CCDC88B: variants seen among roughly 807,000 people sequenced by gnomAD.
CCDC88B encodes the protein coiled-coil and HOOK domain protein 88B.
In CCDC88B, 138 loss-of-function variants were observed where a neutral mutation model predicts 183.7. The observed-to-expected ratio is 0.75, with a 90% CI of 0.65 to 0.87. CCDC88B has a LOEUF of 0.87. Ranked by LOEUF, CCDC88B falls within the 40% of genes least tolerant of loss-of-function variation. CCDC88B has a pLI of 0.00. For synonymous variants in CCDC88B, 835 were observed against 867.5 expected, an observed-to-expected ratio of 0.96 and a Z score of 0.66; for missense variants, 1,822 against 1,965.6, an observed-to-expected ratio of 0.93 and a Z score of 1.38.
At position 64,351,145 on chromosome 11, in the gene CCDC88B, G is replaced by A. The variant is rs531261884; in HGVS notation, c.2863-15G>A. On this transcript the variant is annotated splice_polypyrimidine_tract_variant and intron_variant, in intron 16 of 26. Transcript: ENST00000356786. ...GCGGCTGTCCCGCATGACCTCCCAG[G>A]GACTCTCCTTGCAGCTGCGCCAGGG... 135 of 1,464,842 alleles carry A rather than the reference G, an allele frequency of 9.2e-5. No homozygotes were observed. The highest frequency in any genetic ancestry group is 5.4e-4 in the Middle Eastern group (3 of 5,522). 90.7% of individuals were successfully genotyped at this position (1,464,842 alleles called of 1,614,324 possible). A position where few individuals can be genotyped will look rare whatever the true frequency, so the allele number is the denominator to read the frequency against.
chr11:64,353,270 G>C, intron 21 of CCDC88B, 30 bp downstream of exon 21: 1 of 1,569,118 alleles, frequency 6.4e-7, no homozygotes, highest in Non-Finnish European at 8.6e-7. Context: ...GGGGGTATGG[G>C]CGTGTGGTGG....
rs1051816575 is a variant in CCDC88B at position 64,355,141 on chromosome 11, G to C, written c.4100-53G>C. 9 of 1,255,530 alleles carry C rather than the reference G, an allele frequency of 7.2e-6. No homozygotes were observed. The African/African-American group carries it at 1.5e-4, about 20-fold the overall frequency. The allele number at this position is 1,255,530 out of a possible 1,614,324, so 77.8% of individuals were successfully genotyped here. On this transcript the variant is annotated intron_variant, in intron 24 of 26. Coordinates refer to ENST00000356786, the MANE Select transcript of CCDC88B (RefSeq NM_032251.6). Reference sequence around the variant, plus strand: ...ATTCTCTGACCTCCTCCCTACAGGAGCCTCAGCTCCCGTCCCCTCCTCTCA... The same window carrying C: ...ATTCTCTGACCTCCTCCCTACAGGACCCTCAGCTCCCGTCCCCTCCTCTCA...
intron 14 of CCDC88B, among the ~76,000 whole-genome samples, chr11:64,347,246 T>A (rs1273731078): frequency 6.6e-6 from 1 of 152,208 alleles, no homozygotes; most frequent in African/African-American, 2.4e-5. Context: ...AGGAAGGGGT[T>A]AGGGCTTTTG....
intron 18 of CCDC88B, 89 bp downstream of exon 18, chr11:64,351,705 C>A: frequency 7.1e-7 from 1 of 1,411,616 alleles, no homozygotes; most frequent in South Asian, 1.5e-5. Flanking sequence ...TCTATCCCAG[C>A]TCCCAGCCAG....
chr11:64,345,249 G>A lies in CCDC88B; in HGVS notation c.2616+92G>A. On this transcript the variant is annotated intron_variant, in intron 14 of 26. Transcript: ENST00000356786. ...TTCCATCAGCAGCTGTTCAGTGGGT[G>A]CCCAGCACTGAGCTGGGGCTGGAGA... The A allele has an allele frequency of 2.9e-6, 4 of 1,377,662 alleles. No individual in the cohort carries two copies. The South Asian group carries it at 5.4e-5, about 19-fold the overall frequency. The allele number at this position is 1,377,662 out of a possible 1,614,324, so 85.3% of individuals were successfully genotyped here. A position where few individuals can be genotyped will look rare whatever the true frequency, so the allele number is the denominator to read the frequency against.
chr11:64,341,551 C>T, intron 6 of CCDC88B, 47 bp downstream of exon 6: 1 of 1,611,378 alleles, frequency 6.2e-7, no homozygotes, highest in South Asian at 1.1e-5. Flanking sequence ...ACCTGGGACG[C>T]CCTTGCCACA....
In CCDC88B at chr11:64,352,385, C is replaced by T. The variant is rs868704445; in HGVS notation, c.3355C>T (p.Arg1119Trp). Reference protein sequence around the residue: ...LELAHRELQGRHEQLQAQRAS... With the variant: ...LELAHRELQGWHEQLQAQRAS... ...GCTGGCCCACCGGGAGCTGCAGGGC[C>T]GGTGAGCATCACCAAATGCCCAGCT... Residue 1119 changes from arginine to tryptophan, a missense_variant and splice_region_variant, in exon 19 of 27, where the codon CGG becomes TGG. Transcript: ENST00000356786. The T allele has an allele frequency of 1.6e-5, 24 of 1,529,838 alleles. No homozygotes were observed. The highest frequency in any genetic ancestry group is 8.0e-5 in the Admixed American group (4 of 49,926). The allele number at this position is 1,529,838 out of a possible 1,614,324, so 94.8% of individuals were successfully genotyped here.
chr11:64,346,079 G>A (rs2135308084), intron 14 of CCDC88B, among the ~76,000 whole-genome samples: 1 of 152,302 alleles, frequency 6.6e-6, no homozygotes, highest in East Asian at 1.9e-4. Flanking sequence ...GATGATGAGG[G>A]CCAGCTTTGA....
In CCDC88B at chr11:64,344,908, G is replaced by A. The variant is rs940979971; in HGVS notation, c.2367G>A (p.Glu789=). The part of the protein sequence containing the change: ...AHREAEAQAW[E]QARLREAVEA... ...GGGAGGCAGAGGCCCAGGCCTGGGA[G>A]CAAGCCCGGCTGCGGGAGGCAGTGG... Residue 789 remains glutamate, a synonymous_variant, in exon 14 of 27, where the codon GAG becomes GAA. Coordinates refer to ENST00000356786, the MANE Select transcript of CCDC88B (RefSeq NM_032251.6). This position sits in a 1 kb window ranked among gnomAD's most constrained non-coding sequence, Gnocchi z 4.5. 1.3e-6 allele frequency: 2 copies of A among 1,580,632 alleles called. No individual in the cohort carries two copies. Among genetic ancestry groups the A allele is most frequent in the Non-Finnish European group, 1.7e-6 (2 of 1,163,210 alleles).
intron 19 of CCDC88B, 24 bp from the exon 20 acceptor site, chr11:64,352,720 C>T (rs1333272695): frequency 6.2e-7 from 1 of 1,613,186 alleles, no homozygotes; most frequent in Admixed American, 1.7e-5. Context: ...TCACACAGCC[C>T]TCTTAGCCCC....
chr11:64,344,082 G>A lies in CCDC88B; in HGVS notation c.1541G>A (p.Ser514Asn), dbSNP rs370889306. 6 of 1,610,912 alleles carry A rather than the reference G, an allele frequency of 3.7e-6. No individual in the cohort carries two copies. The highest frequency in any genetic ancestry group is 1.7e-5 in the Admixed American group (1 of 59,548). Residue 514 changes from serine to asparagine, a missense_variant, in exon 14 of 27, where the codon AGC becomes AAC. Physicochemically the swap from Ser to Asn is conservative, Grantham distance 46. Coordinates refer to ENST00000356786, the MANE Select transcript of CCDC88B (RefSeq NM_032251.6). The surrounding 1 kb of genome is among the most constrained non-coding windows in gnomAD (Gnocchi z 4.5). ...APQTPVAFDH[S>N]PQGLVQKARD... ...CAGACTCCTGTGGCCTTCGACCACA[G>A]CCCTCAGGGCTTGGTTCAGAAGGCA...
intron 16 of CCDC88B, chr11:64,350,764 G>T: frequency 6.3e-6 from 1 of 159,250 alleles, no homozygotes; most frequent in Non-Finnish European, 1.4e-5. Context: ...CAGCTACTCG[G>T]GAGGCTAAGG....
At chr11:64,354,277 T>G in intron 24 of CCDC88B, 107 bp downstream of exon 24, 1 of 972,494 alleles carries the variant, frequency 1.0e-6, no homozygotes, top group Non-Finnish European at 1.3e-6. Context: ...CCCATTGGCC[T>G]TCCCTGAGGC....
At position 64,344,533 on chromosome 11, in the gene CCDC88B, G is replaced by A; in HGVS notation, c.1992G>A (p.Glu664=). Residue 664 remains glutamate (E), a synonymous_variant, in exon 14 of 27, where the codon GAG becomes GAA. Transcript: ENST00000356786. The surrounding 1 kb of genome is among the most constrained non-coding windows in gnomAD (Gnocchi z 4.5). ...EPSSVQLEEQ[E]GPNQGLDLAT... ...GCTCTGTGCAGCTGGAGGAGCAGGAGGGCCCAAACCAGGGCCTGGACCTGG... is the reference window on the plus strand; with the variant it reads ...GCTCTGTGCAGCTGGAGGAGCAGGAAGGCCCAAACCAGGGCCTGGACCTGG... 6.2e-7 allele frequency: 1 copy of A among 1,605,466 alleles called. No individual in the cohort carries two copies.
chr11:64,343,799 C>G lies in CCDC88B; in HGVS notation c.1340C>G (p.Pro447Arg). ...PGEAPLAGAA[P>R]SLQDEVREAE... ...TCAGCACCCCTAGCAGGAGCGGCCC[C>G]CTCGCTGCAAGATGAGGTGAGGGAG... Residue 447 changes from proline (P) to arginine (R), a missense_variant, in exon 13 of 27, where the codon CCC becomes CGC. Physicochemically the swap from Pro to Arg is moderately radical, Grantham distance 103 (BLOSUM62 -2). Transcript: ENST00000356786. 5 of 1,583,404 alleles carry G rather than the reference C, an allele frequency of 3.2e-6. No individual in the cohort carries two copies. The highest frequency in any genetic ancestry group is 4.3e-6 in the Non-Finnish European group (5 of 1,164,782).
At position 64,351,191 on chromosome 11, in the gene CCDC88B, A is replaced by G. The variant is rs757082880; in HGVS notation, c.2894A>G (p.Lys965Arg). The G allele has an allele frequency of 1.3e-6, 2 of 1,513,486 alleles. 1 individual carries two copies. Among genetic ancestry groups the G allele is most frequent in the South Asian group, 2.6e-5 (2 of 77,910 alleles). 93.8% of individuals were successfully genotyped at this position (1,513,486 alleles called of 1,614,324 possible). Residue 965 changes from lysine to arginine, a missense_variant, in exon 17 of 27, where the codon AAA becomes AGA. By Grantham distance (26) the Lys-to-Arg change is conservative. Coordinates refer to ENST00000356786, the MANE Select transcript of CCDC88B (RefSeq NM_032251.6). ...CAGGGCCCCGCGGGGCTGGGGCCCA[A>G]AAAGCGTGCGGAGCCTCAGCTGGTG... Reference protein sequence around the residue: ...LRQGPAGLGPKKRAEPQLVET... With the variant: ...LRQGPAGLGPRKRAEPQLVET...
In CCDC88B at chr11:64,356,876, C is replaced by G. The variant is rs1040224429; in HGVS notation, c.4376-163C>G. ...TGTGGACATACCTGAGAACAGCATT[C>G]TGGGCAGAGGGAACCGCTGAGGGAA... On this transcript the variant is annotated intron_variant, in intron 26 of 26. Coordinates refer to ENST00000356786, the MANE Select transcript of CCDC88B (RefSeq NM_032251.6). The G allele has an allele frequency of 1.5e-5, 10 of 650,346 alleles. No homozygotes were observed. In the African/African-American group the frequency reaches 1.8e-4, roughly 12 times the overall value. 40.3% of individuals were successfully genotyped at this position (650,346 alleles called of 1,614,324 possible). A position where few individuals can be genotyped will look rare whatever the true frequency, so the allele number is the denominator to read the frequency against.
At position 64,342,592 on chromosome 11, in the gene CCDC88B, G is replaced by C. The variant is rs1321550221; in HGVS notation, c.974G>C (p.Arg325Pro). ...GAGGAGGCAGAGGCGCTGCGGGAGCGGGCCGGCCGCCTGCCCCGCCTGCAG... is the reference window on the plus strand; with the variant it reads ...GAGGAGGCAGAGGCGCTGCGGGAGCCGGCCGGCCGCCTGCCCCGCCTGCAG... ...YREEAEALRE[R>P]AGRLPRLQEE... is the part of the protein sequence containing the mutation. The change falls in exon 10 of 27, where the codon CGG (arginine) becomes CCG (proline). Residue 325 changes from arginine (R) to proline (P), a missense_variant. Physicochemically the swap from Arg to Pro is moderately radical, Grantham distance 103. Transcript: ENST00000356786. The C allele has an allele frequency of 7.8e-6, 12 of 1,530,890 alleles. No homozygotes were observed. The East Asian group carries it at 9.8e-5, about 13-fold the overall frequency. 94.8% of individuals were successfully genotyped at this position (1,530,890 alleles called of 1,614,324 possible).
intron 14 of CCDC88B, among the ~76,000 whole-genome samples, chr11:64,347,122 T>A (rs889433705): frequency 6.6e-6 from 1 of 152,238 alleles, no homozygotes; most frequent in African/African-American, 2.4e-5. Flanking sequence ...CATTTAAACA[T>A]GTTTACAGGC....
Sources: gnomAD v4.1 joint callset for allele counts (sites outside exome capture counted in the v4.1 genomes callset) on GRCh38, gnomAD v4.1.1 for gene constraint, Gnocchi (gnomAD v3.1) non-coding constraint, MANE v1.5 for transcripts, NCBI Gene and HGNC (gene_info 2026-07-23, HGNC 2026-07-21) for gene names.